Variants in EYS observed in about 807,000 individuals in gnomAD.
The protein encoded by EYS is protein eyes shut homolog.
EYS carries 250 observed loss-of-function variants against 282.1 expected under a neutral mutation model. The ratio of observed to expected loss-of-function variants is 0.89; its 90% CI spans 0.80 to 0.98. EYS has a LOEUF of 0.98. EYS is among the 50% of genes least tolerant of loss of function. EYS has a pLI of 0.00. For synonymous variants in EYS, 1,355 were observed against 1,282.9 expected (o/e 1.06, Z -1.20); for missense variants, 4,016 against 3,709.0 (o/e 1.08, Z -2.15).
At chr6:63,730,648 A>G (rs1255277328) in intron 41 of EYS, among the ~76,000 whole-genome samples, 1 of 152,200 alleles carries the variant, frequency 6.6e-6, no homozygotes, top group Admixed American at 6.5e-5. Flanking sequence ...TGGATTTGTC[A>G]TAGTTTGATT....
chr6:64,842,167 A>T (rs1368876366), intron 19 of EYS, among the ~76,000 whole-genome samples: 3 of 151,906 alleles, frequency 2.0e-5, no homozygotes, highest in Non-Finnish European at 2.9e-5. Context: ...AGTGAACTAC[A>T]CGAAGATAAA....
intron 12 of EYS, among the ~76,000 whole-genome samples, chr6:65,080,633 AT>A (rs1032387024): frequency 5.3e-5 from 8 of 152,022 alleles, no homozygotes; most frequent in African/African-American, 1.9e-4. Context: ...TTTTGAATTG[AT>A]TTGTTTGGGT....
intron 24 of EYS, among the ~76,000 whole-genome samples, chr6:64,599,711 T>C (rs2149837426): frequency 6.6e-6 from 1 of 152,272 alleles, no homozygotes; most frequent in Non-Finnish European, 1.5e-5. Context: ...TCTAATTTTC[T>C]GGTAATAGAG....
intron 30 of EYS, among the ~76,000 whole-genome samples, chr6:64,274,481 G>GTTTTC (rs1554224736): frequency 2.2e-5 from 2 of 92,230 alleles, no homozygotes; most frequent in Non-Finnish European, 3.8e-5. Flanking sequence ...ACGCCTGGCC[G>GTTTTC]TTTTTTTTTT....
chr6:64,314,215 A>AAAAAAAAAC, intron 29 of EYS, among the ~76,000 whole-genome samples: 2 of 150,062 alleles, frequency 1.3e-5, no homozygotes, highest in Non-Finnish European at 3.0e-5. Context: ...AAAAAAAAAA[A>AAAAAAAAAC]AAAGCAGGGG....
At chr6:65,663,376 A>G (rs1462520682) in intron 1 of EYS, among the ~76,000 whole-genome samples, 1 of 152,200 alleles carries the variant, frequency 6.6e-6, no homozygotes, top group Non-Finnish European at 1.5e-5. Context: ...GACACCATAG[A>G]AAAATAAGAG....
intron 1 of EYS, among the ~76,000 whole-genome samples, chr6:65,649,690 C>T (rs985079137): frequency 6.6e-6 from 1 of 152,012 alleles, no homozygotes; most frequent in African/African-American, 2.4e-5. Flanking sequence ...TAGATCAGAA[C>T]TATTTAGATT....
At chr6:65,489,406 C>A (rs1170972749) in intron 5 of EYS, 2 of 152,078 alleles carry the variant, frequency 1.3e-5, no homozygotes, top group African/African-American at 4.8e-5. Context: ...TAGAGAAATG[C>A]AAATCAAAGC....
chr6:64,107,259 A>ATATATATG (rs1191905073), intron 31 of EYS, among the ~76,000 whole-genome samples: 36 of 124,938 alleles, frequency 2.9e-4, no homozygotes, highest in African/African-American at 9.0e-4. Flanking sequence ...ATATATATAT[A>ATATATATG]TGTGTGTGTG....
chr6:64,921,115 C>T (rs773184370), intron 15 of EYS, among the ~76,000 whole-genome samples: 1 of 152,030 alleles, frequency 6.6e-6, no homozygotes, highest in East Asian at 1.9e-4. Context: ...TTTCATACTC[C>T]TTAGGGGTAA....
At chr6:65,068,168 T>C (rs1773801179) in intron 12 of EYS, among the ~76,000 whole-genome samples, 1 of 152,154 alleles carries the variant, frequency 6.6e-6, no homozygotes, top group African/African-American at 2.4e-5. Flanking sequence ...TTCTGTCATC[T>C]TGGCTAATGC....
At chr6:64,277,005 T>C (rs1768136896) in intron 30 of EYS, among the ~76,000 whole-genome samples, 1 of 152,150 alleles carries the variant, frequency 6.6e-6, no homozygotes, top group African/African-American at 2.4e-5. Context: ...TCTCAGGATC[T>C]GTGTAAATCA....
intron 12 of EYS, among the ~76,000 whole-genome samples, chr6:65,072,213 G>C (rs896079165): frequency 6.6e-6 from 1 of 151,740 alleles, no homozygotes; most frequent in South Asian, 2.1e-4. Flanking sequence ...GCTACATATT[G>C]GGGAGAAATT....
At chr6:63,781,369 TC>T (rs1770221492) in intron 39 of EYS, among the ~76,000 whole-genome samples, 2 of 152,242 alleles carry the variant, frequency 1.3e-5, no homozygotes, top group South Asian at 4.1e-4. Flanking sequence ...TATTGATTCT[TC>T]CTGTCCATGA....
At chr6:65,581,557 G>T (rs1253262252) in intron 2 of EYS, among the ~76,000 whole-genome samples, 1 of 152,034 alleles carries the variant, frequency 6.6e-6, no homozygotes, top group Non-Finnish European at 1.5e-5. Context: ...AAACAAAAAT[G>T]TTGCTTTACA....
chr6:64,366,890 T>C (rs1772200776), intron 29 of EYS, among the ~76,000 whole-genome samples: 1 of 152,050 alleles, frequency 6.6e-6, no homozygotes, highest in Non-Finnish European at 1.5e-5. Context: ...TAGTTGATTA[T>C]GACAAAGTTT....
intron 22 of EYS, among the ~76,000 whole-genome samples, chr6:64,765,397 T>C (rs569666878): frequency 6.6e-6 from 1 of 152,208 alleles, no homozygotes; most frequent in Admixed American, 6.5e-5. Context: ...CCTGCATCTT[T>C]CTGTCTCCTT....
intron 12 of EYS, among the ~76,000 whole-genome samples, chr6:65,290,598 T>C (rs1768497484): frequency 6.6e-6 from 1 of 151,328 alleles, no homozygotes; most frequent in Admixed American, 6.6e-5. Flanking sequence ...TCTCACTTTA[T>C]TTAAAACATT....
At chr6:65,332,067 T>A (rs1468862671) in intron 11 of EYS, 4 of 281,398 alleles carry the variant, frequency 1.4e-5, no homozygotes, top group African/African-American at 8.8e-5. Flanking sequence ...TGATTTAAAA[T>A]TCCAGTCTTT....
Sources: gnomAD v4.1 joint callset for allele counts (sites outside exome capture counted in the v4.1 genomes callset) on GRCh38, gnomAD v4.1.1 for gene constraint, MANE v1.5 for transcripts, NCBI Gene and HGNC (gene_info 2026-07-23, HGNC 2026-07-21) for gene names.